Variants in BCAT1 observed in about 807,000 individuals in gnomAD.
The protein encoded by BCAT1 is branched chain amino acid transaminase 1.
Under a neutral mutation model 52.4 loss-of-function variants are expected in BCAT1, and 48 were observed. The ratio of observed to expected loss-of-function variants is 0.92; its 90% CI spans 0.73 to 1.16. The LOEUF (loss-of-function observed/expected upper bound fraction) is 1.16. BCAT1 is among the 50% of genes most tolerant of loss of function. The pLI is 0.00. For missense variants in BCAT1, 451 were observed against 457.1 expected, an observed-to-expected ratio of 0.99 and a Z score of 0.12; for synonymous variants, 167 against 161.3, an observed-to-expected ratio of 1.04 and a Z score of -0.27.
chr12:24,878,718 C>A (rs1170693442), intron 4 of BCAT1, 69 bp from the exon 5 acceptor site: 2 of 1,408,284 alleles, frequency 1.4e-6, no homozygotes, highest in Non-Finnish European at 1.9e-6. Context: ...ATGATCCTCA[C>A]TGAAGCATTT....
At chr12:24,892,430 G>A (rs992651705) in intron 3 of BCAT1, among the ~76,000 whole-genome samples, 10 of 152,152 alleles carry the variant, frequency 6.6e-5, no homozygotes, top group Non-Finnish European at 1.5e-5. Flanking sequence ...GGTCCCTGGA[G>A]CGACAAAATT....
chr12:24,860,105 T>G (rs1449030351), intron 5 of BCAT1, among the ~76,000 whole-genome samples: 12 of 152,262 alleles, frequency 7.9e-5, no homozygotes, highest in Admixed American at 5.2e-4. Flanking sequence ...AGACTTTATG[T>G]TATCCACAGA....
chr12:24,845,716 G>A (rs1300340382), intron 6 of BCAT1, among the ~76,000 whole-genome samples: 1 of 152,158 alleles, frequency 6.6e-6, no homozygotes, highest in African/African-American at 2.4e-5. Flanking sequence ...GCCAAAGGAT[G>A]AGTTACATGA....
At position 24,901,957 on chromosome 12, in the gene BCAT1, G is replaced by T. The variant is rs2291894; in HGVS notation, c.7-72C>A. 1.2e-5 allele frequency: 20 copies of T among 1,610,960 alleles called. 1 individual carries two copies. The South Asian group carries it at 2.1e-4, about 17-fold the overall frequency. On this transcript the variant is annotated intron_variant, in intron 1 of 10. Coordinates refer to ENST00000261192, the MANE Select transcript of BCAT1 (RefSeq NM_005504.7). ...CGGGACCCGGGGTAACCTACGTGAC[G>T]CTCACCATGATACCGTGCGCTCCTC... is the stretch of plus-strand genomic sequence containing the variant.
At chr12:24,834,819 A>G in intron 8 of BCAT1, 2 of 1,124,224 alleles carry the variant, frequency 1.8e-6, no homozygotes, top group South Asian at 1.9e-5. Flanking sequence ...TGAAAAAGAA[A>G]AGAAAAGAAA....
intron 10 of BCAT1, among the ~76,000 whole-genome samples, chr12:24,828,545 T>A (rs1350279470): frequency 3.9e-5 from 6 of 152,306 alleles, no homozygotes; most frequent in African/African-American, 9.6e-5. Flanking sequence ...TATAATTTTT[T>A]AAAAAAATTA....
intron 3 of BCAT1, among the ~76,000 whole-genome samples, chr12:24,891,658 GT>G (rs1332372757): frequency 6.6e-6 from 1 of 151,774 alleles, no homozygotes; most frequent in African/African-American, 2.4e-5. Flanking sequence ...TAATTTGAGA[GT>G]TTTTTTAAAC....
chr12:24,832,095 T>C (rs953111809), intron 9 of BCAT1, among the ~76,000 whole-genome samples: 1 of 152,174 alleles, frequency 6.6e-6, no homozygotes, highest in Non-Finnish European at 1.5e-5. Flanking sequence ...TCCATAACTA[T>C]TTGCCATTCC....
chr12:24,854,567 G>A (rs954022059), intron 5 of BCAT1, among the ~76,000 whole-genome samples: 1 of 152,104 alleles, frequency 6.6e-6, no homozygotes, highest in African/African-American at 2.4e-5. Context: ...TCAGGAAAGC[G>A]AGGGCACTGA....
chr12:24,836,875 GAAAGAGAA>G (rs1274713332), intron 7 of BCAT1, among the ~76,000 whole-genome samples: 36 of 57,684 alleles, frequency 6.2e-4, no homozygotes, highest in African/African-American at 1.9e-3. Context: ...GAAGGAAAGA[GAAAGAGAA>G]AGAAAGAAAG....
intron 1 of BCAT1, among the ~76,000 whole-genome samples, chr12:24,935,641 T>C (rs1302387241): frequency 1.3e-5 from 2 of 152,226 alleles, no homozygotes; most frequent in Non-Finnish European, 2.9e-5. Flanking sequence ...TGTTCCTTTT[T>C]CTTAACAGTT....
At chr12:24,854,012 C>T (rs1251147556) in intron 5 of BCAT1, among the ~76,000 whole-genome samples, 1 of 152,176 alleles carries the variant, frequency 6.6e-6, no homozygotes, top group South Asian at 2.1e-4. Context: ...TTTTACTTCA[C>T]GAGCTATACC....
At chr12:24,891,374 T>C (rs10842423) in intron 3 of BCAT1, among the ~76,000 whole-genome samples, 37,751 of 151,990 alleles carry the variant, frequency 0.25, 4,899 homozygotes, top group East Asian at 0.4. Flanking sequence ...CAGCACCATA[T>C]GAGTTAGGAA....
chr12:24,845,872 C>T (rs2139448732), intron 6 of BCAT1, among the ~76,000 whole-genome samples: 1 of 152,314 alleles, frequency 6.6e-6, no homozygotes, highest in Non-Finnish European at 1.5e-5. Context: ...GCCTGGGCAA[C>T]ACAGCAAGAC....
rs141411714 is a variant in BCAT1 at position 24,832,636 on chromosome 12, T to C, written c.1044+87A>G. On this transcript the variant is annotated intron_variant, in intron 9 of 10. Transcript: ENST00000261192. Reference sequence around the variant, plus strand: ...AAAACTTTTGCATCTTGGGTCTGGGTCCAGATACAATTTTATTCATACACT... The same window carrying C: ...AAAACTTTTGCATCTTGGGTCTGGGCCCAGATACAATTTTATTCATACACT... 1.2e-4 allele frequency: 170 copies of C among 1,403,350 alleles called. No homozygotes were observed. In the African/African-American group the frequency reaches 2.2e-3, roughly 18 times the overall value. 86.9% of individuals were successfully genotyped at this position (1,403,350 alleles called of 1,614,324 possible).
intron 1 of BCAT1, chr12:24,903,005 C>A: frequency 6.9e-7 from 1 of 1,456,348 alleles, no homozygotes; most frequent in Non-Finnish European, 9.0e-7. Context: ...GCTGCGGGGA[C>A]GCGGGGCTGC....
rs1487955720 is a variant in BCAT1 at position 24,811,658 on chromosome 12, C to T, written c.*6350G>A. 5.9e-5 allele frequency: 9 copies of T among 152,146 alleles called. No individual in the cohort carries two copies. Among genetic ancestry groups the T allele is most frequent in the Non-Finnish European group, 2.9e-5 (2 of 67,990 alleles). The allele number at this position is 152,146 out of a possible 1,614,324, so 9.4% of individuals were successfully genotyped here. On this transcript the variant is annotated 3_prime_UTR_variant, in exon 11 of 11. Coordinates refer to ENST00000261192, the MANE Select transcript of BCAT1 (RefSeq NM_005504.7). ...TGAGCTAAAATCCTTTTAACATAGC[C>T]TGCGGATGATCTTTCACAAAAGCCA... is the stretch of plus-strand genomic sequence containing the variant.
intron 3 of BCAT1, among the ~76,000 whole-genome samples, chr12:24,887,793 C>T (rs758504600): frequency 3.7e-4 from 56 of 152,064 alleles, no homozygotes; most frequent in Admixed American, 1.5e-3. Flanking sequence ...TCCTTCAATC[C>T]GCGTTCCCTA....
chr12:24,858,303 T>C (rs1454248733), intron 5 of BCAT1, among the ~76,000 whole-genome samples: 3 of 152,202 alleles, frequency 2.0e-5, no homozygotes, highest in Non-Finnish European at 4.4e-5. Context: ...GCACTTAAAT[T>C]GAATATTTTG....
Sources: gnomAD v4.1 joint callset for allele counts (sites outside exome capture counted in the v4.1 genomes callset) on GRCh38, gnomAD v4.1.1 for gene constraint, MANE v1.5 for transcripts, NCBI Gene and HGNC (gene_info 2026-07-23, HGNC 2026-07-21) for gene names.